PPFIA2: variants seen among roughly 807,000 people sequenced by gnomAD.
PPFIA2 encodes liprin-alpha-2.
Under a neutral mutation model 175.5 loss-of-function variants are expected in PPFIA2, and 46 were observed. The ratio of observed to expected loss-of-function variants is 0.26; its 90% confidence interval spans 0.21 to 0.34. The LOEUF (loss-of-function observed/expected upper bound fraction) is 0.34. Ranked by LOEUF, PPFIA2 falls within the 10% of genes least tolerant of loss-of-function variation. The probability of loss-of-function intolerance (pLI) is 1.00; values close to 1 mark genes in which losing one functional copy is unlikely to be tolerated. For synonymous variants in PPFIA2, 568 were observed against 511.4 expected (o/e 1.11, Z -1.49); for missense variants, 1,179 against 1,506.1 (o/e 0.78, Z 3.60).
intron 21 of PPFIA2, among the ~76,000 whole-genome samples, chr12:81,332,808 T>C (rs1218691223): frequency 6.6e-6 from 1 of 152,192 alleles, no homozygotes; most frequent in Non-Finnish European, 1.5e-5. Context: ...ACTCTCTTAC[T>C]AAGTAGCTGC....
chr12:81,537,834 C>T (rs77621174), intron 4 of PPFIA2, among the ~76,000 whole-genome samples: 1,523 of 151,878 alleles, frequency 0.01, 33 homozygotes, highest in African/African-American at 0.034. Context: ...GAGAAGAGAA[C>T]TGGCTGGCTA....
intron 15 of PPFIA2, among the ~76,000 whole-genome samples, chr12:81,361,439 A>G (rs115952432): frequency 5.5e-4 from 83 of 151,798 alleles, no homozygotes; most frequent in African/African-American, 1.9e-3. Flanking sequence ...GTGAAAAATA[A>G]GAACGATTTT....
intron 3 of PPFIA2, among the ~76,000 whole-genome samples, chr12:81,708,127 C>G (rs1350763357): frequency 6.6e-6 from 1 of 150,594 alleles, no homozygotes; most frequent in East Asian, 2.0e-4. Flanking sequence ...ACATATGTAA[C>G]TAACCTGCAT....
At chr12:81,719,885 T>C (rs542954880) in intron 3 of PPFIA2, among the ~76,000 whole-genome samples, 18 of 151,518 alleles carry the variant, frequency 1.2e-4, no homozygotes, top group South Asian at 1.0e-3. Context: ...TAAAAATATA[T>C]AGAATATTTC....
At chr12:81,610,259 T>C (rs930226659) in intron 4 of PPFIA2, among the ~76,000 whole-genome samples, 1 of 152,228 alleles carries the variant, frequency 6.6e-6, no homozygotes, top group African/African-American at 2.4e-5. Context: ...TGGGGTTATC[T>C]GTATCTCTTA....
intron 4 of PPFIA2, among the ~76,000 whole-genome samples, chr12:81,566,580 A>T (rs1195916335): frequency 6.6e-6 from 1 of 151,672 alleles, no homozygotes; most frequent in Non-Finnish European, 1.5e-5. Flanking sequence ...AGAAAAGTAC[A>T]TGTACTTTTT....
At chr12:81,316,616 A>G (rs764837692) in intron 22 of PPFIA2, among the ~76,000 whole-genome samples, 17 of 151,760 alleles carry the variant, frequency 1.1e-4, no homozygotes, top group South Asian at 4.1e-4. Context: ...TAAAACAGCT[A>G]CATCTCGTGT....
intron 4 of PPFIA2, among the ~76,000 whole-genome samples, chr12:81,570,405 A>G (rs2072282279): frequency 6.6e-6 from 1 of 152,154 alleles, no homozygotes; most frequent in African/African-American, 2.4e-5. Context: ...ATTTAGAGAA[A>G]GACAAGTGCT....
chr12:81,711,953 CA>C (rs1188117624), intron 3 of PPFIA2, among the ~76,000 whole-genome samples: 1 of 150,924 alleles, frequency 6.6e-6, no homozygotes, highest in African/African-American at 2.4e-5. Context: ...AAAATTTCTT[CA>C]AAATTTTTCA....
At chr12:81,757,780 T>A (rs1052481899) in intron 2 of PPFIA2, among the ~76,000 whole-genome samples, 1 of 152,222 alleles carries the variant, frequency 6.6e-6, no homozygotes, top group South Asian at 2.1e-4. Context: ...AAAAGCTTTT[T>A]TTCTTTTTTC....
chr12:81,386,493 G>C (rs954476545), intron 8 of PPFIA2, among the ~76,000 whole-genome samples: 1 of 151,454 alleles, frequency 6.6e-6, no homozygotes, highest in Non-Finnish European at 1.5e-5. Context: ...GTTGTGGCAC[G>C]CACCCATAGT....
At chr12:81,690,657 A>G (rs976272524) in intron 3 of PPFIA2, among the ~76,000 whole-genome samples, 16 of 152,130 alleles carry the variant, frequency 1.1e-4, no homozygotes, top group African/African-American at 3.9e-4. Context: ...TGTGAAGAGT[A>G]TATTAATTTC....
intron 3 of PPFIA2, among the ~76,000 whole-genome samples, chr12:81,705,834 G>A (rs149051486): frequency 3.3e-5 from 5 of 152,258 alleles, no homozygotes; most frequent in African/African-American, 1.2e-4. Context: ...TGTAGAAACT[G>A]TAGTTTATAG....
intron 4 of PPFIA2, among the ~76,000 whole-genome samples, chr12:81,618,928 G>T (rs1187545370): frequency 1.3e-5 from 2 of 152,130 alleles, no homozygotes; most frequent in East Asian, 3.8e-4. Context: ...ACCTATAATA[G>T]TCTAGGCTTT....
chr12:81,261,699 T>C (rs566545072), intron 32 of PPFIA2, among the ~76,000 whole-genome samples: 11 of 152,216 alleles, frequency 7.2e-5, no homozygotes, highest in African/African-American at 2.4e-4. Context: ...TGGCAACCCA[T>C]TGATGTGTAA....
chr12:81,293,943 A>G (rs1051207144), intron 24 of PPFIA2, among the ~76,000 whole-genome samples: 1 of 152,202 alleles, frequency 6.6e-6, no homozygotes, highest in African/African-American at 2.4e-5. Flanking sequence ...CACACCATGG[A>G]ATACTATGCA....
intron 4 of PPFIA2, among the ~76,000 whole-genome samples, chr12:81,477,399 C>A (rs1051433501): frequency 2.6e-5 from 4 of 152,098 alleles, no homozygotes; most frequent in Non-Finnish European, 5.9e-5. Context: ...CATATTTTTA[C>A]AAAATGATAT....
chr12:81,504,488 G>A (rs554777620), intron 4 of PPFIA2, among the ~76,000 whole-genome samples: 1 of 152,108 alleles, frequency 6.6e-6, no homozygotes, highest in Non-Finnish European at 1.5e-5. Flanking sequence ...AAAAAGTCAG[G>A]AAACAACAGA....
chr12:81,468,151 G>T (rs1417613043), intron 4 of PPFIA2, among the ~76,000 whole-genome samples: 1 of 152,136 alleles, frequency 6.6e-6, no homozygotes, highest in Non-Finnish European at 1.5e-5. Context: ...GAAGAGAGAG[G>T]GAGGTCATCA....
Sources: gnomAD v4.1 joint callset for allele counts (sites outside exome capture counted in the v4.1 genomes callset) on GRCh38, gnomAD v4.1.1 for gene constraint, MANE v1.5 for transcripts, NCBI Gene and HGNC (gene_info 2026-07-23, HGNC 2026-07-21) for gene names.